ADAMTS3: variants seen among roughly 807,000 people sequenced by gnomAD.
ADAMTS3 encodes ADAM metallopeptidase with thrombospondin type 1 motif 3.
A neutral mutation model predicts 129.0 loss-of-function variants in ADAMTS3; 73 were observed. The observed-to-expected ratio is 0.57, with a 90% confidence interval of 0.47 to 0.69. The LOEUF (loss-of-function observed/expected upper bound fraction) is 0.69, where lower values mean the gene tolerates loss of function less well. Ranked by LOEUF, ADAMTS3 falls within the 30% of genes least tolerant of loss-of-function variation. The pLI, the probability that ADAMTS3 is intolerant of heterozygous loss-of-function variation, is 0.00. For synonymous variants in ADAMTS3, 477 were observed against 510.8 expected, an observed-to-expected ratio of 0.93 and a Z score of 0.89; for missense variants, 1,457 against 1,514.5, an observed-to-expected ratio of 0.96 and a Z score of 0.63.
intron 3 of ADAMTS3, among the ~76,000 whole-genome samples, chr4:72,478,757 C>T (rs964375415): frequency 1.9e-4 from 29 of 152,242 alleles, no homozygotes; most frequent in Non-Finnish European, 3.5e-4. Context: ...CAAATTGTCC[C>T]TGTTTGCAGT....
intron 3 of ADAMTS3, among the ~76,000 whole-genome samples, chr4:72,417,424 C>T (rs768786219): frequency 5.9e-5 from 9 of 152,152 alleles, no homozygotes; most frequent in Non-Finnish European, 1.0e-4. Context: ...TTTCAGGCCA[C>T]ATGATGTTAT....
intron 3 of ADAMTS3, among the ~76,000 whole-genome samples, chr4:72,469,451 T>C (rs1719005793): frequency 6.6e-6 from 1 of 152,144 alleles, no homozygotes; most frequent in Non-Finnish European, 1.5e-5. Flanking sequence ...TCATAAGTTG[T>C]TGTGAGAATT....
intron 4 of ADAMTS3, among the ~76,000 whole-genome samples, chr4:72,355,514 C>A (rs573890514): frequency 1.3e-5 from 2 of 151,964 alleles, no homozygotes; most frequent in Non-Finnish European, 2.9e-5. Flanking sequence ...ACTTAATACT[C>A]ATTGTGATGG....
chr4:72,316,582 G>A (rs1366468712), intron 10 of ADAMTS3, among the ~76,000 whole-genome samples: 3 of 151,992 alleles, frequency 2.0e-5, no homozygotes, highest in Non-Finnish European at 4.4e-5. Context: ...CAGCTACTTG[G>A]GAGGCTGAGG....
intron 3 of ADAMTS3, among the ~76,000 whole-genome samples, chr4:72,447,104 C>G (rs773243040): frequency 1.3e-5 from 2 of 151,716 alleles, no homozygotes; most frequent in African/African-American, 4.8e-5. Flanking sequence ...AGTTCCACTC[C>G]TATCAATAGG....
chr4:72,550,047 AAGAGGAAGAGGAAGAG>A (rs1166386541), intron 2 of ADAMTS3, among the ~76,000 whole-genome samples: 671 of 18,360 alleles, frequency 0.037, 152 homozygotes, highest in Middle Eastern at 0.06. Flanking sequence ...GAAGAAGAGG[AAGAGGAAGAGGAAGAG>A]GAAGAGGAAG....
chr4:72,517,016 A>G (rs1720505039), intron 3 of ADAMTS3, among the ~76,000 whole-genome samples: 1 of 152,136 alleles, frequency 6.6e-6, no homozygotes, highest in Non-Finnish European at 1.5e-5. Context: ...TCCCATCAAT[A>G]CCTAATTTAT....
intron 3 of ADAMTS3, among the ~76,000 whole-genome samples, chr4:72,480,373 G>T (rs1413329908): frequency 6.6e-6 from 1 of 152,028 alleles, no homozygotes; most frequent in Non-Finnish European, 1.5e-5. Flanking sequence ...CCATAAAAAA[G>T]GATGAGTTCA....
At chr4:72,339,718 G>A in intron 4 of ADAMTS3, 25 bp from the exon 5 acceptor site, 1 of 1,601,550 alleles carries the variant, frequency 6.2e-7, no homozygotes. Context: ...AAGGAACCAG[G>A]AATTTCAGTT....
intron 11 of ADAMTS3, among the ~76,000 whole-genome samples, chr4:72,315,227 A>C (rs141826342): frequency 2.8e-4 from 42 of 152,336 alleles, no homozygotes; most frequent in Non-Finnish European, 5.0e-4. Context: ...TTCTGCCAAC[A>C]GTGGGCTGAA....
intron 3 of ADAMTS3, among the ~76,000 whole-genome samples, chr4:72,436,007 T>A (rs922443127): frequency 6.6e-6 from 1 of 151,830 alleles, no homozygotes; most frequent in African/African-American, 2.4e-5. Context: ...ACAAATGGGA[T>A]CTAATTAAAC....
chr4:72,293,449 A>T (rs2109775110), intron 19 of ADAMTS3, among the ~76,000 whole-genome samples: 1 of 152,300 alleles, frequency 6.6e-6, no homozygotes, highest in East Asian at 1.9e-4. Flanking sequence ...ACAGAAGGTT[A>T]CGTAAAAATC....
chr4:72,502,696 C>G (rs891880332), intron 3 of ADAMTS3, among the ~76,000 whole-genome samples: 1 of 152,018 alleles, frequency 6.6e-6, no homozygotes, highest in Non-Finnish European at 1.5e-5. Context: ...AATGTTAGAT[C>G]ATTAATTTGA....
At chr4:72,498,756 T>C (rs956457809) in intron 3 of ADAMTS3, among the ~76,000 whole-genome samples, 3 of 152,020 alleles carry the variant, frequency 2.0e-5, no homozygotes, top group Non-Finnish European at 2.9e-5. Flanking sequence ...GTTTCTTTTC[T>C]CTTTAACTTC....
intron 5 of ADAMTS3, among the ~76,000 whole-genome samples, chr4:72,324,407 T>C (rs1719642545): frequency 6.6e-6 from 1 of 151,718 alleles, no homozygotes; most frequent in Non-Finnish European, 1.5e-5. Context: ...GCATACTTAC[T>C]GAATTTGTAG....
intron 19 of ADAMTS3, 98 bp downstream of exon 19, chr4:72,295,556 A>C: frequency 7.6e-7 from 1 of 1,313,138 alleles, no homozygotes; most frequent in Non-Finnish European, 1.0e-6. Context: ...ATGTCTATAT[A>C]GAGCTTTGAC....
intron 4 of ADAMTS3, among the ~76,000 whole-genome samples, chr4:72,349,651 T>TA (rs1255609195): frequency 1.3e-5 from 2 of 152,022 alleles, no homozygotes; most frequent in Admixed American, 6.6e-5. Context: ...AGGTAACACT[T>TA]AGACATTTTT....
intron 3 of ADAMTS3, among the ~76,000 whole-genome samples, chr4:72,498,673 A>G (rs1206990255): frequency 6.6e-6 from 1 of 151,850 alleles, no homozygotes; most frequent in Admixed American, 6.6e-5. Flanking sequence ...ACACACGCAC[A>G]CACACGTTTA....
intron 5 of ADAMTS3, among the ~76,000 whole-genome samples, chr4:72,325,107 G>A (rs1352567417): frequency 6.6e-6 from 1 of 152,078 alleles, no homozygotes; most frequent in Non-Finnish European, 1.5e-5. Context: ...ATTAGAGTAT[G>A]AGAAATGGAA....
Sources: gnomAD v4.1 joint callset for allele counts (sites outside exome capture counted in the v4.1 genomes callset) on GRCh38, gnomAD v4.1.1 for gene constraint, MANE v1.5 for transcripts, NCBI Gene and HGNC (gene_info 2026-07-23, HGNC 2026-07-21) for gene names.